The following DOCK8 variants were observed in gnomAD, a reference collection of about 807,000 sequenced individuals.
DOCK8 encodes the protein dedicator of cytokinesis 8.
DOCK8 carries 141 observed loss-of-function variants against 245.6 expected under a neutral mutation model. The observed-to-expected ratio is 0.57, with a 90% CI of 0.50 to 0.66. DOCK8 has a LOEUF of 0.66. Ranked by LOEUF, DOCK8 falls within the 30% of genes least tolerant of loss-of-function variation. The pLI is 0.00. For synonymous variants in DOCK8, 1,168 were observed against 970.2 expected, an observed-to-expected ratio of 1.20 and a Z score of -3.79; for missense variants, 2,965 against 2,603.4, an observed-to-expected ratio of 1.14 and a Z score of -3.02.
chr9:459,921 T>C (rs541035034), intron 46 of DOCK8: 2 of 152,286 alleles, frequency 1.3e-5, no homozygotes, highest in Non-Finnish European at 2.9e-5. Context: ...TATTAGCCAG[T>C]CACACAGTAC....
chr9:434,135 A>G (rs1237247609), intron 38 of DOCK8, among the ~76,000 whole-genome samples, 160 bp downstream of exon 38: 1 of 152,206 alleles, frequency 6.6e-6, no homozygotes, highest in Admixed American at 6.5e-5. Flanking sequence ...AGGTTAATTC[A>G]TATGTAAGTT....
At chr9:378,229 A>C (rs766818331) in intron 20 of DOCK8, among the ~76,000 whole-genome samples, 35 of 152,216 alleles carry the variant, frequency 2.3e-4, no homozygotes, top group African/African-American at 7.7e-4. Context: ...ATCTGGGAGG[A>C]TGCAGGAGGT....
chr9:301,209 C>G (rs376187531), intron 4 of DOCK8, among the ~76,000 whole-genome samples: 6 of 152,116 alleles, frequency 3.9e-5, no homozygotes, highest in African/African-American at 1.4e-4. Context: ...ATAAATGAGA[C>G]TCATCACATA....
At chr9:240,037 A>G (rs1466128679) in intron 1 of DOCK8, among the ~76,000 whole-genome samples, 1 of 152,208 alleles carries the variant, frequency 6.6e-6, no homozygotes, top group Non-Finnish European at 1.5e-5. Context: ...TCTTCACGAT[A>G]AATGCTAGAA....
intron 1 of DOCK8, among the ~76,000 whole-genome samples, chr9:252,987 A>T (rs949370365): frequency 2.0e-5 from 3 of 152,186 alleles, no homozygotes; most frequent in Non-Finnish European, 4.4e-5. Flanking sequence ...TCCTTGGGAC[A>T]GAGGTTTGAT....
At chr9:404,896 C>A in intron 26 of DOCK8, 22 bp from the exon 27 acceptor site, 1 of 1,613,434 alleles carries the variant, frequency 6.2e-7, no homozygotes, top group Non-Finnish European at 8.5e-7. Context: ...TGTTTCATTC[C>A]TCTTTTCATT....
At chr9:372,080 T>C (rs1398591496) in intron 17 of DOCK8, 105 bp from the exon 18 acceptor site, 1 of 992,870 alleles carries the variant, frequency 1.0e-6, no homozygotes, top group East Asian at 2.6e-5. Flanking sequence ...TACTGGTCAA[T>C]ATCTACTCAC....
At chr9:330,574 A>C (rs930289941) in intron 9 of DOCK8, among the ~76,000 whole-genome samples, 9 of 152,220 alleles carry the variant, frequency 5.9e-5, no homozygotes, top group African/African-American at 2.2e-4. Flanking sequence ...GTGGTTTTGA[A>C]GAAAATTGAA....
chr9:355,221 T>TGAGACAGAGTCTCGCTCTG (rs1421703165), intron 14 of DOCK8, among the ~76,000 whole-genome samples: 1 of 94,100 alleles, frequency 1.1e-5, no homozygotes, highest in Non-Finnish European at 2.3e-5. Flanking sequence ...TTTTTTTTTT[T>TGAGACAGAGTCTCGCTCTG]TGAGACAGAG....
At chr9:399,882 C>G (rs1220199955) in intron 26 of DOCK8, among the ~76,000 whole-genome samples, 1 of 151,920 alleles carries the variant, frequency 6.6e-6, no homozygotes, top group African/African-American at 2.4e-5. Context: ...TTCCATATCC[C>G]TAATCTAGCC....
intron 24 of DOCK8, among the ~76,000 whole-genome samples, chr9:391,667 AGAT>A (rs2054196849): frequency 6.6e-6 from 1 of 152,174 alleles, no homozygotes; most frequent in Admixed American, 6.5e-5. Flanking sequence ...ATGCATAATG[AGAT>A]GATGTTGAAT....
At chr9:211,859 C>A (rs2046624818), upstream of DOCK8, among the ~76,000 whole-genome samples, 1 of 152,082 alleles carries the variant, frequency 6.6e-6, no homozygotes. Context: ...AAGTTTTAAA[C>A]CTGGAAAATG....
intron 1 of DOCK8, among the ~76,000 whole-genome samples, chr9:247,748 A>G (rs913920710): frequency 2.0e-5 from 3 of 152,070 alleles, no homozygotes; most frequent in Admixed American, 1.3e-4. Context: ...CGTGTTAGCC[A>G]GGATGGTCTC....
chr9:273,055 T>TC (rs762040681), intron 2 of DOCK8: 3 of 985,456 alleles, frequency 3.0e-6, no homozygotes, highest in Middle Eastern at 5.2e-4. Context: ...CGCCATTTTG[T>TC]CTCCTGTAAC....
intron 1 of DOCK8, among the ~76,000 whole-genome samples, chr9:256,552 G>C (rs971613661): frequency 2.6e-5 from 4 of 152,224 alleles, no homozygotes; most frequent in South Asian, 4.1e-4. Flanking sequence ...GCCTCAGAGA[G>C]ATTTCCTTTG....
At chr9:408,466 C>CT (rs1489972702) in intron 28 of DOCK8, among the ~76,000 whole-genome samples, 2 of 152,184 alleles carry the variant, frequency 1.3e-5, no homozygotes, top group African/African-American at 4.8e-5. Context: ...CTTCTCAACT[C>CT]TAACTAAATT....
intron 6 of DOCK8, chr9:314,461 A>T (rs1012742588): frequency 1.3e-5 from 2 of 152,188 alleles, no homozygotes; most frequent in Non-Finnish European, 2.9e-5. Context: ...AAAATAATGA[A>T]ACGTAGCCTG....
intron 11 of DOCK8, among the ~76,000 whole-genome samples, chr9:336,156 C>T (rs565494310): frequency 3.3e-5 from 5 of 152,316 alleles, no homozygotes; most frequent in African/African-American, 9.6e-5. Context: ...CTGACCCCAG[C>T]ATGTTTGGGT....
intron 2 of DOCK8, among the ~76,000 whole-genome samples, chr9:285,672 A>G (rs921953738): frequency 2.0e-5 from 3 of 152,212 alleles, no homozygotes; most frequent in Non-Finnish European, 2.9e-5. Flanking sequence ...CTTTTTATCA[A>G]TTATAAGAAT....
Sources: gnomAD v4.1 joint callset for allele counts (sites outside exome capture counted in the v4.1 genomes callset) on GRCh38, gnomAD v4.1.1 for gene constraint, MANE v1.5 for transcripts, NCBI Gene and HGNC (gene_info 2026-07-23, HGNC 2026-07-21) for gene names.